TSPAN18: variants seen among roughly 807,000 people sequenced by gnomAD.
TSPAN18 encodes the protein tetraspanin 18.
In TSPAN18, 14 loss-of-function variants were observed where a neutral mutation model predicts 27.3. The observed-to-expected ratio is 0.51, with a 90% confidence interval of 0.34 to 0.80. TSPAN18 has a LOEUF of 0.80. Ranked by LOEUF, TSPAN18 falls within the 30% of genes least tolerant of loss-of-function variation. The pLI is 0.01. For synonymous variants in TSPAN18, 143 were observed against 136.5 expected (o/e 1.05, Z -0.33); for missense variants, 268 against 323.9 (o/e 0.83, Z 1.32).
chr11:44,817,261 A>G (rs1283899558), intron 2 of TSPAN18, among the ~76,000 whole-genome samples: 1 of 152,228 alleles, frequency 6.6e-6, no homozygotes, highest in Non-Finnish European at 1.5e-5. Flanking sequence ...TCAGAGTAAA[A>G]TGGGATTTAT....
At chr11:44,762,924 C>T (rs1266598048) in intron 1 of TSPAN18, among the ~76,000 whole-genome samples, 7 of 152,196 alleles carry the variant, frequency 4.6e-5, no homozygotes, top group African/African-American at 1.4e-4. Context: ...CACTGTGAGG[C>T]GAACGTGATA....
At chr11:44,922,349 C>A (rs2135374109) in intron 8 of TSPAN18, among the ~76,000 whole-genome samples, 1 of 152,338 alleles carries the variant, frequency 6.6e-6, no homozygotes, top group African/African-American at 2.4e-5. Context: ...AAACTCCTGA[C>A]CTCAAATGAT....
At chr11:44,810,492 T>C (rs1422265153) in intron 2 of TSPAN18, among the ~76,000 whole-genome samples, 1 of 152,262 alleles carries the variant, frequency 6.6e-6, no homozygotes, top group Non-Finnish European at 1.5e-5. Context: ...TTCCATAGTA[T>C]GTATATACCA....
intron 3 of TSPAN18, among the ~76,000 whole-genome samples, chr11:44,876,405 G>A (rs1261708645): frequency 6.6e-6 from 1 of 152,200 alleles, no homozygotes; most frequent in Non-Finnish European, 1.5e-5. Context: ...GTGGCCTGAG[G>A]AGATCCCTGT....
chr11:44,778,684 C>T (rs1356722711), intron 2 of TSPAN18, among the ~76,000 whole-genome samples: 1 of 152,188 alleles, frequency 6.6e-6, no homozygotes, highest in African/African-American at 2.4e-5. Context: ...TTAGTCTTTC[C>T]ATTAAGCGTG....
At chr11:44,926,535 C>A in intron 8 of TSPAN18, 139 bp from the exon 9 acceptor site, 1 of 774,926 alleles carries the variant, frequency 1.3e-6, no homozygotes, top group South Asian at 1.6e-5. Context: ...CACCCCCTCC[C>A]CACTGTCCTG....
intron 2 of TSPAN18, among the ~76,000 whole-genome samples, chr11:44,766,394 G>A (rs140687826): frequency 1.4e-3 from 217 of 152,270 alleles, no homozygotes; most frequent in African/African-American, 4.9e-3. Context: ...TAAACCTCCT[G>A]GCAGCAGCTG....
intron 1 of TSPAN18, among the ~76,000 whole-genome samples, chr11:44,754,988 C>G (rs1855298771): frequency 6.6e-6 from 1 of 152,206 alleles, no homozygotes; most frequent in Admixed American, 6.5e-5. Flanking sequence ...GGAGGGCACA[C>G]AGAGACCCTG....
rs183336139 is a variant in TSPAN18, at chr11:44,741,428, A to T, written c.-240+14141A>T. Among the ~76,000 whole-genome samples the T allele has an allele frequency of 1.6e-3, 230 of 146,022 alleles. 1 individual carries two copies. The highest frequency in any genetic ancestry group is 5.5e-3 in the African/African-American group (217 of 39,302). ...TCTAGCCACTCACAAAGGTCTATTC[A>T]AACCTGTCTCAGACATGTATGTGTG... On this transcript the variant is annotated intron_variant, in intron 1 of 9. Transcript: ENST00000520358.
In TSPAN18 at chr11:44,918,060, C is replaced by T. The variant is rs772528545; in HGVS notation, c.333+14C>T. On this transcript the variant is annotated intron_variant, in intron 6 of 9. Coordinates refer to ENST00000520358, the MANE Select transcript of TSPAN18 (RefSeq NM_130783.5). The stretch of plus-strand genomic sequence containing the variant: ...TTCAGGGAAAATGTACGTATCAGGC[C>T]CCAAGCTTTCCTGCCTCCTGCTATC... The T allele has an allele frequency of 6.2e-7, 1 of 1,613,378 alleles. No homozygotes were observed. Among genetic ancestry groups the T allele is most frequent in the Non-Finnish European group, 8.5e-7 (1 of 1,179,830 alleles).
chr11:44,871,246 T>A (rs1590609811), intron 3 of TSPAN18, among the ~76,000 whole-genome samples: 1 of 152,154 alleles, frequency 6.6e-6, no homozygotes, highest in Admixed American at 6.5e-5. Flanking sequence ...AGGCTGGAAG[T>A]CTAAGATCAG....
chr11:44,829,165 A>G (rs1349325965), intron 2 of TSPAN18, among the ~76,000 whole-genome samples: 2 of 152,242 alleles, frequency 1.3e-5, no homozygotes, highest in Non-Finnish European at 2.9e-5. Flanking sequence ...TACATTTGTT[A>G]CAGTTGAACC....
chr11:44,738,664 G>A (rs113400715), intron 1 of TSPAN18, among the ~76,000 whole-genome samples: 1 of 152,136 alleles, frequency 6.6e-6, no homozygotes, highest in Non-Finnish European at 1.5e-5. Flanking sequence ...TGTCTCCCAT[G>A]TGTCCAGAGC....
rs1248495197 is a variant in TSPAN18 at position 44,905,876 on chromosome 11, C to T, written c.-10-531C>T. On this transcript the variant is annotated intron_variant, in intron 3 of 9. Coordinates refer to ENST00000520358, the MANE Select transcript of TSPAN18 (RefSeq NM_130783.5). ...GGCTGCTCTCCTTTTCCCTGCAACA[C>T]CCCATCTCGCTGGCACCAAGCAACC... is the stretch of plus-strand genomic sequence containing the variant. 3.3e-5 allele frequency among the ~76,000 whole-genome samples: 5 copies of T among 152,186 alleles called. No individual in the cohort carries two copies. The East Asian group carries it at 9.6e-4, about 29-fold the overall frequency.
intron 8 of TSPAN18, among the ~76,000 whole-genome samples, chr11:44,921,108 G>T (rs1006831751): frequency 1.3e-4 from 20 of 152,168 alleles, no homozygotes; most frequent in African/African-American, 4.8e-4. Flanking sequence ...GATTCCTGAG[G>T]CCCTGAGGGC....
chr11:44,747,257 A>G (rs1013309660), intron 1 of TSPAN18, among the ~76,000 whole-genome samples: 5 of 152,218 alleles, frequency 3.3e-5, no homozygotes, highest in Non-Finnish European at 5.9e-5. Context: ...AGCCCTGCCT[A>G]AAAGAGGCAG....
At chr11:44,917,405 G>A (rs924847222) in intron 5 of TSPAN18, among the ~76,000 whole-genome samples, 2 of 152,222 alleles carry the variant, frequency 1.3e-5, no homozygotes, top group African/African-American at 4.8e-5. Flanking sequence ...CAAACTCCTG[G>A]CCCATGGGTT....
chr11:44,733,893 A>G (rs963975471), intron 1 of TSPAN18, among the ~76,000 whole-genome samples: 2 of 151,916 alleles, frequency 1.3e-5, no homozygotes, highest in African/African-American at 4.8e-5. Flanking sequence ...GTCCTGCTAT[A>G]GTTTGGTTTG....
At chr11:44,866,559 G>A (rs1007215446) in intron 3 of TSPAN18, among the ~76,000 whole-genome samples, 2 of 152,182 alleles carry the variant, frequency 1.3e-5, no homozygotes, top group East Asian at 1.9e-4. Flanking sequence ...TATGAGCTTC[G>A]GTGTTCAGTC....
Sources: allele counts gnomAD v4.1 joint callset (sites outside exome capture counted in the v4.1 genomes callset), GRCh38; gene constraint gnomAD v4.1.1; transcripts MANE v1.5; gene names NCBI Gene and HGNC (gene_info 2026-07-23, HGNC 2026-07-21).